Variants in LONRF1 observed in about 807,000 individuals in gnomAD.
LONRF1 encodes LON peptidase N-terminal domain and RING finger protein 1.
In LONRF1, 37 loss-of-function variants were observed where a neutral mutation model predicts 85.8. The observed-to-expected ratio is 0.43, with a 90% CI of 0.33 to 0.57. The LOEUF is 0.57. Ranked by LOEUF, LONRF1 falls within the 20% of genes least tolerant of loss-of-function variation. The probability of loss-of-function intolerance (pLI) is 0.04; values close to 1 mark genes in which losing one functional copy is unlikely to be tolerated. For synonymous variants in LONRF1, 517 were observed against 390.1 expected (o/e 1.33, Z -3.83); for missense variants, 1,036 against 978.0 (o/e 1.06, Z -0.79).
intron 4 of LONRF1, chr8:12,737,406 C>G (rs1563145402): frequency 1.6e-6 from 1 of 618,270 alleles, no homozygotes; most frequent in East Asian, 3.4e-5. Flanking sequence ...CATATATCGA[C>G]TTTTTTCTTG....
rs756563031 is a variant in LONRF1, at chr8:12,723,108, G to C, written c.2310C>G (p.Asp770Glu). 2 of 1,611,416 alleles carry C rather than the reference G, an allele frequency of 1.2e-6. No homozygotes were observed. The highest frequency in any genetic ancestry group is 8.5e-7 in the Non-Finnish European group (1 of 1,178,876). The change falls in exon 12 of 12, where the codon GAC becomes GAG. Residue 770 changes from aspartate to glutamate, a missense_variant. Asp to Glu is a conservative substitution (Grantham distance 45, BLOSUM62 2). Coordinates refer to ENST00000398246, the MANE Select transcript of LONRF1 (RefSeq NM_152271.5). ...IQHILTYFSRDQSK is the reference protein window; with the variant it reads ...IQHILTYFSREQSK ...TCCAAAGAGTTAGTTACTTAGATTGGTCTCTAGAAAAATAGGTCAGTATAT... is the reference window on the plus strand; with the variant it reads ...TCCAAAGAGTTAGTTACTTAGATTGCTCTCTAGAAAAATAGGTCAGTATAT...
chr8:12,736,949 C>G lies in LONRF1; in HGVS notation c.1305G>C (p.Gln435His), dbSNP rs778073964. 2 of 1,613,378 alleles carry G rather than the reference C, an allele frequency of 1.2e-6. No homozygotes were observed. Among genetic ancestry groups the G allele is most frequent in the South Asian group, 1.1e-5 (1 of 91,046 alleles). ...LLKRKLSLLE[Q>H]DVIVNEDGRN... ...TTCCATCTTCATTTACAATCACATC[C>G]TGTTCTAAAAGAGACAACTTTCTTT... The change falls in exon 5 of 12, where the codon CAG (glutamine) becomes CAC (histidine). Residue 435 changes from glutamine (Q) to histidine (H), a missense_variant. Physicochemically the swap from Gln to His is conservative, Grantham distance 24 (BLOSUM62 0). Coordinates refer to ENST00000398246, the MANE Select transcript of LONRF1 (RefSeq NM_152271.5).
At chr8:12,735,152 C>T (rs1477046078) in intron 7 of LONRF1, 134 bp downstream of exon 7, 18 of 631,076 alleles carry the variant, frequency 2.9e-5, no homozygotes, top group Middle Eastern at 4.3e-4. Flanking sequence ...GGTAATAAAA[C>T]ATTATCCTTG....
In LONRF1 at chr8:12,725,739, C is replaced by T; in HGVS notation, c.2151G>A (p.Glu717=). 1.2e-6 allele frequency: 2 copies of T among 1,611,620 alleles called. No individual in the cohort carries two copies. The highest frequency in any genetic ancestry group is 1.7e-6 in the Non-Finnish European group (2 of 1,178,114). Residue 717 remains glutamate, a synonymous_variant, in exon 11 of 12, where the codon GAG becomes GAA. Transcript: ENST00000398246. ...LQHFGSMPER[E]ENLQAAPNGP... The stretch of plus-strand genomic sequence containing the variant: ...AAAGCCACCATACCTGAAGGTTTTC[C>T]TCCCTCTCGGGCATTGATCCGAAAT...
intron 10 of LONRF1, 31 bp from the exon 11 acceptor site, chr8:12,725,910 T>G: frequency 6.3e-7 from 1 of 1,589,608 alleles, no homozygotes; most frequent in South Asian, 1.1e-5. Context: ...AAGACTTCTG[T>G]GTCTAATCCC....
At chr8:12,725,073 A>T (rs1798235679) in intron 11 of LONRF1, among the ~76,000 whole-genome samples, 1 of 152,214 alleles carries the variant, frequency 6.6e-6, no homozygotes, top group African/African-American at 2.4e-5. Flanking sequence ...TGCTTTAGTA[A>T]GTCTATGATC....
chr8:12,745,708 A>G (rs1175482738), intron 1 of LONRF1, among the ~76,000 whole-genome samples: 2 of 152,228 alleles, frequency 1.3e-5, no homozygotes, highest in East Asian at 1.9e-4. Context: ...TGTATTTTCC[A>G]TTTTTGAAAT....
chr8:12,727,930 T>C (rs1350121711), intron 10 of LONRF1, among the ~76,000 whole-genome samples: 8 of 152,108 alleles, frequency 5.3e-5, no homozygotes, highest in Admixed American at 1.3e-4. Context: ...AGTCAGACAG[T>C]TTGCTTTAAT....
rs1191843313 is a variant in LONRF1, at chr8:12,736,964, C to A, written c.1290G>T (p.Leu430Phe). 1.1e-5 allele frequency: 18 copies of A among 1,613,208 alleles called. No individual in the cohort carries two copies. Among genetic ancestry groups the A allele is most frequent in the South Asian group, 6.6e-5 (6 of 91,074 alleles). Residue 430 changes from leucine to phenylalanine, a missense_variant, in exon 5 of 12, where the codon TTG (leucine) becomes TTT (phenylalanine). Leu to Phe is a conservative substitution (Grantham distance 22, BLOSUM62 0). Coordinates refer to ENST00000398246, the MANE Select transcript of LONRF1 (RefSeq NM_152271.5). ...QEKGVLLKRK[L>F]SLLEQDVIVN... ...CAATCACATCCTGTTCTAAAAGAGA[C>A]AACTTTCTTTTCAGCAGAACACCTT...
chr8:12,746,978 T>C (rs1376189951), intron 1 of LONRF1, among the ~76,000 whole-genome samples: 4 of 152,228 alleles, frequency 2.6e-5, no homozygotes, highest in East Asian at 1.9e-4. Flanking sequence ...GCCTTCATCG[T>C]ATATATACAT....
intron 1 of LONRF1, among the ~76,000 whole-genome samples, chr8:12,744,219 G>A (rs976662968): frequency 3.9e-5 from 6 of 152,066 alleles, no homozygotes; most frequent in South Asian, 2.1e-4. Flanking sequence ...AATAGCTGCC[G>A]GGTTTACTCT....
chr8:12,749,187 G>C (rs1211282967), intron 1 of LONRF1, among the ~76,000 whole-genome samples: 1 of 152,134 alleles, frequency 6.6e-6, no homozygotes, highest in Admixed American at 6.5e-5. Context: ...GAAGATATTA[G>C]ATTAACCCTT....
chr8:12,753,138 T>C (rs968007200), intron 1 of LONRF1: 8 of 152,226 alleles, frequency 5.3e-5, no homozygotes, highest in African/African-American at 1.9e-4. Flanking sequence ...TACTTTTTTT[T>C]TGTTCTGAGC....
chr8:12,736,643 G>A lies in LONRF1; in HGVS notation c.1451+58C>T, dbSNP rs564608861. 1.0e-4 allele frequency: 116 copies of A among 1,113,342 alleles called. No individual in the cohort carries two copies. The African/African-American group carries it at 1.6e-3, about 16-fold the overall frequency. The allele number at this position is 1,113,342 out of a possible 1,614,324, so 69.0% of individuals were successfully genotyped here. A position where few individuals can be genotyped will look rare whatever the true frequency, so the allele number is the denominator to read the frequency against. ...TGTCTATTATTACCTTTATCTACACGGTATTTTATGTATACTAACATAAAA... is the reference window on the plus strand; with the variant it reads ...TGTCTATTATTACCTTTATCTACACAGTATTTTATGTATACTAACATAAAA... On this transcript the variant is annotated intron_variant, in intron 6 of 11. Transcript: ENST00000398246.
chr8:12,755,211 C>T lies in LONRF1; in HGVS notation c.210G>A (p.Ala70=), dbSNP rs1470138642. ...LGGHLKGALE[A]FAAALRRGAP... ...CCCCGCGGCGCAGCGCCGCCGCGAA[C>T]GCCTCCAGCGCGCCCTTCAGGTGGC... Residue 70 remains alanine (A), a synonymous_variant, in exon 1 of 12, where the codon GCG becomes GCA. Transcript: ENST00000398246. The T allele has an allele frequency of 5.5e-6, 7 of 1,263,110 alleles. No individual in the cohort carries two copies. In the African/African-American group the frequency reaches 7.8e-5, roughly 14 times the overall value. The allele number at this position is 1,263,110 out of a possible 1,614,324, so 78.2% of individuals were successfully genotyped here.
At chr8:12,734,730 G>A (rs559093353) in intron 7 of LONRF1, among the ~76,000 whole-genome samples, 20 of 152,266 alleles carry the variant, frequency 1.3e-4, no homozygotes, top group African/African-American at 4.1e-4. Context: ...GCAGCCATTA[G>A]TCACATGTGC....
At position 12,737,118 on chromosome 8, in the gene LONRF1, G is replaced by A. The variant is rs1455539547; in HGVS notation, c.1136C>T (p.Thr379Ile). 1.9e-6 allele frequency: 3 copies of A among 1,612,626 alleles called. No individual in the cohort carries two copies. Among genetic ancestry groups the A allele is most frequent in the African/African-American group, 1.3e-5 (1 of 74,916 alleles). Residue 379 changes from threonine to isoleucine, a missense_variant, in exon 5 of 12, where the codon ACT becomes ATT. Thr to Ile is a moderately conservative substitution (Grantham distance 89). This residue lies in a region of LONRF1 where 742 missense variants were observed against 614.4 expected (regional missense o/e 1.21). Coordinates refer to ENST00000398246, the MANE Select transcript of LONRF1 (RefSeq NM_152271.5). ...TAAGCTTCCTTTGACAGGCTCTGAA[G>A]TGACCTCTGGTATTTCTTCACTCTA... ...PKQSEEIPEV[T>I]SEPVKGSLNR... is the part of the protein sequence containing the mutation.
intron 1 of LONRF1, among the ~76,000 whole-genome samples, chr8:12,749,382 T>C (rs1799289921): frequency 6.6e-6 from 1 of 152,178 alleles, no homozygotes; most frequent in South Asian, 2.1e-4. Flanking sequence ...GAAGCTTCCA[T>C]CTTGCATTTT....
chr8:12,748,529 C>T (rs1016614827), intron 1 of LONRF1, among the ~76,000 whole-genome samples: 8 of 152,178 alleles, frequency 5.3e-5, no homozygotes, highest in Admixed American at 5.2e-4. Context: ...ACATTTCCAA[C>T]ACATTCTGCC....
Sources: gnomAD v4.1 joint callset for allele counts (sites outside exome capture counted in the v4.1 genomes callset) on GRCh38, gnomAD v4.1.1 for gene constraint, gnomAD v4.1.1 regional missense constraint, MANE v1.5 for transcripts, NCBI Gene and HGNC (gene_info 2026-07-23, HGNC 2026-07-21) for gene names.